Variants in NEK1 observed in about 807,000 individuals in gnomAD.
NEK1 encodes serine/threonine-protein kinase Nek1.
A neutral mutation model predicts 182.1 loss-of-function variants in NEK1; 137 were observed. That is an observed-to-expected ratio of 0.75 (90% CI 0.65 to 0.87). The LOEUF (loss-of-function observed/expected upper bound fraction) is 0.87, where lower values mean the gene tolerates loss of function less well. Ranked by LOEUF, NEK1 falls within the 40% of genes least tolerant of loss-of-function variation. The pLI is 0.00. For missense variants in NEK1, 1,391 were observed against 1,494.4 expected, an observed-to-expected ratio of 0.93 and a Z score of 1.14; for synonymous variants, 513 against 492.2, an observed-to-expected ratio of 1.04 and a Z score of -0.56.
At chr4:169,581,964 A>G (rs1052298464) in intron 10 of NEK1, among the ~76,000 whole-genome samples, 5 of 152,172 alleles carry the variant, frequency 3.3e-5, no homozygotes, top group African/African-American at 1.2e-4. Flanking sequence ...ACGCTCCATT[A>G]TATATTCTCC....
At chr4:169,554,369 T>G (rs1345163464) in intron 18 of NEK1, 1 of 145,422 alleles carries the variant, frequency 6.9e-6, no homozygotes, top group Non-Finnish European at 1.5e-5. Context: ...AAGTGAGCCA[T>G]GATCATGCCA....
chr4:169,530,919 G>A (rs1220255460), intron 19 of NEK1, among the ~76,000 whole-genome samples: 4 of 147,572 alleles, frequency 2.7e-5, no homozygotes, highest in Admixed American at 2.1e-4. Context: ...AACAACATTC[G>A]GAAGGCAACT....
At chr4:169,526,327 A>G (rs1580470500) in intron 19 of NEK1, among the ~76,000 whole-genome samples, 1 of 152,104 alleles carries the variant, frequency 6.6e-6, no homozygotes, top group East Asian at 1.9e-4. Flanking sequence ...AACTCTACAA[A>G]AAGATTAAAA....
intron 12 of NEK1, 49 bp from the exon 13 acceptor site, chr4:169,562,245 A>T: frequency 7.6e-7 from 1 of 1,320,520 alleles, no homozygotes; most frequent in Non-Finnish European, 1.0e-6. Context: ...TGAGGCACTT[A>T]TTTGAAAATC....
chr4:169,394,536 GA>G lies in NEK1; in HGVS notation c.3848-14del, dbSNP rs1171520560. The G allele has an allele frequency of 3.6e-6, 5 of 1,374,198 alleles. No individual in the cohort carries two copies. The highest frequency in any genetic ancestry group is 4.0e-6 in the Non-Finnish European group (4 of 1,000,898). The allele number at this position is 1,374,198 out of a possible 1,614,324, so 85.1% of individuals were successfully genotyped here. On this transcript the variant is annotated splice_polypyrimidine_tract_variant and intron_variant, in intron 35 of 35. Transcript: ENST00000507142. ...TATTCATCATTATCTGTAGAAAAAA[GA>G]AAAAAATTGACTTCATTTCAAATCA... is the stretch of plus-strand genomic sequence containing the variant.
At chr4:169,500,816 A>T (rs1752295574) in intron 23 of NEK1, among the ~76,000 whole-genome samples, 1 of 152,240 alleles carries the variant, frequency 6.6e-6, no homozygotes, top group Admixed American at 6.5e-5. Context: ...AGTACATGTA[A>T]GTTCAAAGCA....
chr4:169,554,301 C>G (rs1451935972), intron 18 of NEK1: 1 of 151,884 alleles, frequency 6.6e-6, no homozygotes, highest in African/African-American at 2.4e-5. Flanking sequence ...ACCTGTAGTC[C>G]CAGCTGTTCA....
chr4:169,458,370 T>C (rs537370501), intron 27 of NEK1, among the ~76,000 whole-genome samples: 2 of 152,254 alleles, frequency 1.3e-5, no homozygotes, highest in East Asian at 1.9e-4. Context: ...AAAATGTATC[T>C]AGACACAGAC....
At chr4:169,549,956 A>G (rs1761167069) in intron 18 of NEK1, among the ~76,000 whole-genome samples, 1 of 152,162 alleles carries the variant, frequency 6.6e-6, no homozygotes, top group South Asian at 2.1e-4. Context: ...TCCTGATCTC[A>G]AGTGATCTGC....
chr4:169,426,319 A>G, intron 29 of NEK1, 85 bp from the exon 30 acceptor site: 1 of 1,026,218 alleles, frequency 9.7e-7, no homozygotes, highest in South Asian at 1.4e-5. Flanking sequence ...GAAATGGAAC[A>G]CAAGTTCACT....
intron 31 of NEK1, among the ~76,000 whole-genome samples, chr4:169,409,181 T>G (rs1453144930): frequency 6.6e-6 from 1 of 152,164 alleles, no homozygotes; most frequent in Non-Finnish European, 1.5e-5. Flanking sequence ...AGTCTTGCTC[T>G]GTCCCCAGGC....
chr4:169,572,394 T>G (rs942097521), intron 12 of NEK1, among the ~76,000 whole-genome samples: 2 of 152,130 alleles, frequency 1.3e-5, no homozygotes, highest in African/African-American at 4.8e-5. Flanking sequence ...CTGAAATAAG[T>G]AAGATCAATT....
At chr4:169,587,514 G>A (rs759244064) in intron 9 of NEK1, 45 bp downstream of exon 9, 26 of 1,048,738 alleles carry the variant, frequency 2.5e-5, no homozygotes, top group South Asian at 1.4e-4. Context: ...CATTATAGTC[G>A]CTTTTTAACA....
At chr4:169,584,903 A>C (rs76882347) in intron 10 of NEK1, among the ~76,000 whole-genome samples, 1,793 of 152,272 alleles carry the variant, frequency 0.012, 35 homozygotes, top group African/African-American at 0.04. Context: ...AAGAATGGAA[A>C]GGCTGGGCGA....
At position 169,392,878 on chromosome 4, in the gene NEK1, C is replaced by A. The variant is rs1039841202; in HGVS notation, c.*1632G>T. The stretch of plus-strand genomic sequence containing the variant: ...TGTCAATTCCAACACTTATAATAGA[C>A]CTTACTGAAAAATAGCCCTTTTCCT... On this transcript the variant is annotated 3_prime_UTR_variant, in exon 36 of 36. Transcript: ENST00000507142. 6.6e-6 allele frequency: 1 copy of A among 152,268 alleles called. No individual in the cohort carries two copies. The highest frequency in any genetic ancestry group is 1.5e-5 in the Non-Finnish European group (1 of 68,020). The allele number at this position is 152,268 out of a possible 1,614,324, so 9.4% of individuals were successfully genotyped here.
At chr4:169,571,198 AT>A (rs1001744968) in intron 12 of NEK1, among the ~76,000 whole-genome samples, 53 of 148,148 alleles carry the variant, frequency 3.6e-4, no homozygotes, top group African/African-American at 1.2e-3. Context: ...AAATAAATAA[AT>A]AAATAAATAA....
intron 8 of NEK1, 71 bp from the exon 9 acceptor site, chr4:169,587,684 G>A: frequency 2.2e-6 from 2 of 904,160 alleles, no homozygotes; most frequent in South Asian, 1.8e-5. Context: ...AACACAAACA[G>A]CATAAAAGTG....
intron 35 of NEK1, 101 bp downstream of exon 35, chr4:169,400,124 A>G: frequency 8.6e-7 from 1 of 1,161,058 alleles, no homozygotes; most frequent in Non-Finnish European, 1.3e-6. Context: ...TCCCAAGTAG[A>G]TTTCACAAAA....
In NEK1 at chr4:169,424,736, T is replaced by C. The variant is rs1366137835; in HGVS notation, c.3039A>G (p.Pro1013=). The C allele has an allele frequency of 3.1e-6, 5 of 1,613,800 alleles. No homozygotes were observed. Among genetic ancestry groups the C allele is most frequent in the South Asian group, 2.2e-5 (2 of 91,076 alleles). Residue 1013 remains proline (P), a synonymous_variant, in exon 31 of 36, where the codon CCA becomes CCG. Transcript: ENST00000507142. The part of the protein sequence containing the change: ...CDVDKSVQPE[P]FFHKVVHSEH... ...CAGAATGAACCACCTTATGGAAAAA[T>C]GGTTCCGGTTGCACAGACTTATCTA...
Sources: allele counts gnomAD v4.1 joint callset (sites outside exome capture counted in the v4.1 genomes callset), GRCh38; gene constraint gnomAD v4.1.1; transcripts MANE v1.5; gene names NCBI Gene and HGNC (gene_info 2026-07-23, HGNC 2026-07-21).